BTBD8: variants seen among roughly 807,000 people sequenced by gnomAD.
The protein encoded by BTBD8 is BTB/POZ domain-containing protein 8.
A neutral mutation model predicts 162.9 loss-of-function variants in BTBD8; 110 were observed. That is an observed-to-expected ratio of 0.68 (90% CI 0.58 to 0.79). The LOEUF is 0.79. Among genes scored for constraint, BTBD8 ranks in the 30% least tolerant of loss-of-function variants. BTBD8 has a pLI of 0.00. For synonymous variants in BTBD8, 667 were observed against 716.1 expected (o/e 0.93, Z 1.10); for missense variants, 1,905 against 2,085.4 (o/e 0.91, Z 1.68).
chr1:92,153,998 C>T (rs990430143), intron 9 of BTBD8, among the ~76,000 whole-genome samples: 3 of 152,090 alleles, frequency 2.0e-5, no homozygotes, highest in African/African-American at 7.2e-5. Context: ...TTGGTGCCAT[C>T]CCCATGGTGA....
At chr1:92,080,850 G>A in intron 1 of BTBD8, 130 bp downstream of exon 1, 2 of 1,419,098 alleles carry the variant, frequency 1.4e-6, no homozygotes, top group African/African-American at 1.5e-5. Context: ...GGCGACTGCG[G>A]GTCGTTAGCC....
In BTBD8 at chr1:92,167,933, CTCT is replaced by C. The variant is rs1184294965; in HGVS notation, c.1396_1398del (p.Leu466del). On this transcript the variant is annotated inframe_deletion, in exon 11 of 18. Transcript: ENST00000636805. ...AATATCACCACTGAAAATAGCTGCT[CTCT>C]TCTTATGGCTCTGGACACACTGCTG... is the stretch of plus-strand genomic sequence containing the variant. The C allele has an allele frequency of 6.4e-7, 1 of 1,550,694 alleles. No homozygotes were observed. The highest frequency in any genetic ancestry group is 8.7e-7 in the Non-Finnish European group (1 of 1,146,364).
chr1:92,148,653 C>T (rs975072192), intron 9 of BTBD8, among the ~76,000 whole-genome samples: 3 of 152,226 alleles, frequency 2.0e-5, no homozygotes, highest in African/African-American at 7.2e-5. Context: ...CACACAATTA[C>T]TCCTAGTGAT....
intron 9 of BTBD8, among the ~76,000 whole-genome samples, chr1:92,152,266 CTA>C (rs1310765622): frequency 6.6e-6 from 1 of 152,012 alleles, no homozygotes; most frequent in Admixed American, 6.6e-5. Context: ...ACAGGTTAGA[CTA>C]TGATGAGTAC....
chr1:92,168,764 T>C, intron 11 of BTBD8, 102 bp from the exon 12 acceptor site: 1 of 1,088,410 alleles, frequency 9.2e-7, no homozygotes, highest in Non-Finnish European at 1.2e-6. Flanking sequence ...AATGATGACA[T>C]CATTGATCTA....
In BTBD8 at chr1:92,130,539, T is replaced by TTAC. The variant is rs371555204; in HGVS notation, c.752+763_752+764insTAC. Reference sequence around the variant, plus strand: ...AAAAAAATATATATATATATATATTTACACACACACACACACACACACACA... The same window carrying TTAC: ...AAAAAAATATATATATATATATATTTTACACACACACACACACACACACACACA... On this transcript the variant is annotated intron_variant, in intron 5 of 17. Transcript: ENST00000636805. 6.3e-3 allele frequency among the ~76,000 whole-genome samples: 827 copies of TTAC among 131,156 alleles called. 4 individuals carry two copies. The highest frequency in any genetic ancestry group is 9.8e-3 in the Non-Finnish European group (586 of 60,072). The allele number at this position is 131,156 out of a possible 152,430, so 86.0% of individuals were successfully genotyped here. A position where few individuals can be genotyped will look rare whatever the true frequency, so the allele number is the denominator to read the frequency against.
At chr1:92,105,658 A>G (rs1648707401) in intron 3 of BTBD8, among the ~76,000 whole-genome samples, 1 of 152,250 alleles carries the variant, frequency 6.6e-6, no homozygotes, top group Admixed American at 6.5e-5. Context: ...AAGTTTGTTG[A>G]CAGGCAAGGT....
In BTBD8 at chr1:92,184,397, A is replaced by T. The variant is rs1485862488; in HGVS notation, c.*67A>T. ...TTGATGCCTATATTATATCCAAATG[A>T]TAATTGCATTAGCCGGATATAAACT... On this transcript the variant is annotated 3_prime_UTR_variant, in exon 18 of 18. Transcript: ENST00000636805. 2.1e-6 allele frequency: 2 copies of T among 943,774 alleles called. No homozygotes were observed. The highest frequency in any genetic ancestry group is 3.1e-6 in the Non-Finnish European group (2 of 640,234). 58.5% of individuals were successfully genotyped at this position (943,774 alleles called of 1,614,324 possible).
chr1:92,085,020 A>C (rs1019916119), intron 1 of BTBD8, among the ~76,000 whole-genome samples: 1 of 152,200 alleles, frequency 6.6e-6, no homozygotes. Context: ...TTGGGTTTTC[A>C]TGCCCTCTGT....
At chr1:92,166,473 G>A (rs1249506034) in intron 9 of BTBD8, among the ~76,000 whole-genome samples, 17 of 133,056 alleles carry the variant, frequency 1.3e-4, no homozygotes, top group African/African-American at 3.7e-4. Context: ...CACCCAGGCC[G>A]GAGTGCAGTG....
At chr1:92,139,634 A>C in intron 6 of BTBD8, 1 of 1,074,516 alleles carries the variant, frequency 9.3e-7, no homozygotes, top group African/African-American at 1.8e-5. Flanking sequence ...CACAGTAATA[A>C]GATTGAGAAC....
Position 92,088,895 on chromosome 1 carries a change from A to G in BTBD8, c.347A>G (p.Gln116Arg). 6.2e-7 allele frequency: 1 copy of G among 1,603,530 alleles called. No individual in the cohort carries two copies. Among genetic ancestry groups the G allele is most frequent in the Non-Finnish European group, 8.5e-7 (1 of 1,174,158 alleles). The change falls in exon 2 of 18, where the codon CAG becomes CGG. Residue 116 changes from glutamine (Q) to arginine (R), a missense_variant and splice_region_variant. This residue lies in a region of BTBD8 where 1,374 missense variants were observed against 1,442.7 expected (regional missense o/e 0.95). Coordinates refer to ENST00000636805, the MANE Select transcript of BTBD8 (RefSeq NM_001376131.1). ...GCTTTAGAATTTAGAACGTTTTTAC[A>G]GTAAGTGCTTTCTTTATCCATGTAA... ...VEALEFRTFL[Q>R]IIYSSNRNIK...
chr1:92,127,372 TCTC>T (rs1649388502), intron 4 of BTBD8, among the ~76,000 whole-genome samples: 2 of 152,164 alleles, frequency 1.3e-5, no homozygotes, highest in Admixed American at 6.5e-5. Flanking sequence ...TCTAGTATGA[TCTC>T]CTATGCTTAT....
rs899691520 is a variant in BTBD8, at chr1:92,119,462, T to A, written c.663-10225T>A. Among the ~76,000 whole-genome samples the A allele has an allele frequency of 4.6e-5, 7 of 151,480 alleles. No homozygotes were observed. In the East Asian group the frequency reaches 1.4e-3, roughly 29 times the overall value. The stretch of plus-strand genomic sequence containing the variant: ...CACCACACCCAGCTAATTTTTGTAT[T>A]TTTTGTAGAGACAAGTTCTTCCTGC... On this transcript the variant is annotated intron_variant, in intron 4 of 17. Coordinates refer to ENST00000636805, the MANE Select transcript of BTBD8 (RefSeq NM_001376131.1).
At chr1:92,106,350 G>A (rs1384379012) in intron 3 of BTBD8, among the ~76,000 whole-genome samples, 4 of 151,908 alleles carry the variant, frequency 2.6e-5, no homozygotes, top group Non-Finnish European at 5.9e-5. Context: ...CTATCAGGAG[G>A]CTAATACCAA....
At chr1:92,138,576 C>T (rs1009439343) in intron 5 of BTBD8, among the ~76,000 whole-genome samples, 5 of 152,208 alleles carry the variant, frequency 3.3e-5, no homozygotes, top group African/African-American at 1.2e-4. Context: ...ACTGGTTCAG[C>T]AGAGAAGAAA....
At chr1:92,092,633 C>A (rs1425357414) in intron 2 of BTBD8, among the ~76,000 whole-genome samples, 4 of 152,118 alleles carry the variant, frequency 2.6e-5, no homozygotes, top group Admixed American at 6.5e-5. Context: ...GTTAATTCAC[C>A]CATAAATGTG....
chr1:92,126,824 A>T (rs1394689914), intron 4 of BTBD8, among the ~76,000 whole-genome samples: 1 of 152,130 alleles, frequency 6.6e-6, no homozygotes, highest in African/African-American at 2.4e-5. Flanking sequence ...AACTGACATA[A>T]CTTTCCGGTT....
chr1:92,146,566 G>A (rs1031449330), intron 7 of BTBD8, among the ~76,000 whole-genome samples: 4 of 152,040 alleles, frequency 2.6e-5, no homozygotes, highest in African/African-American at 4.8e-5. Flanking sequence ...AGTATCATAC[G>A]GAGTGTTTTC....
Sources: allele counts gnomAD v4.1 joint callset (sites outside exome capture counted in the v4.1 genomes callset), GRCh38; gene constraint gnomAD v4.1.1; regional missense constraint gnomAD v4.1.1; transcripts MANE v1.5; gene names NCBI Gene and HGNC (gene_info 2026-07-23, HGNC 2026-07-21).